GRIA4: variants seen among roughly 807,000 people sequenced by gnomAD.
GRIA4 encodes the protein glutamate receptor 4.
Under a neutral mutation model 104.0 loss-of-function variants are expected in GRIA4, and 34 were observed. That is an observed-to-expected ratio of 0.33 (90% CI 0.25 to 0.44). The LOEUF is 0.44. Ranked by LOEUF, GRIA4 falls within the 20% of genes least tolerant of loss-of-function variation. GRIA4 has a pLI of 1.00. For missense variants in GRIA4, 750 were observed against 1,096.5 expected (o/e 0.68, Z 4.46); for synonymous variants, 386 against 381.9 (o/e 1.01, Z -0.13).
intron 13 of GRIA4, among the ~76,000 whole-genome samples, chr11:105,931,106 G>C (rs1451067426): frequency 6.6e-6 from 1 of 152,084 alleles, no homozygotes; most frequent in South Asian, 2.1e-4. Context: ...TCTATTTTTA[G>C]AGATGGAATG....
chr11:105,770,298 A>G (rs566316985), intron 4 of GRIA4, among the ~76,000 whole-genome samples: 4 of 152,098 alleles, frequency 2.6e-5, no homozygotes, highest in Admixed American at 2.6e-4. Context: ...TTACAAGGGA[A>G]GAAAATTCAT....
At chr11:105,653,085 G>C (rs953457435) in intron 3 of GRIA4, among the ~76,000 whole-genome samples, 5 of 151,952 alleles carry the variant, frequency 3.3e-5, no homozygotes, top group Non-Finnish European at 7.4e-5. Context: ...CTAATTTTTT[G>C]TATTTTTAGT....
intron 3 of GRIA4, among the ~76,000 whole-genome samples, chr11:105,636,424 T>C (rs1404276967): frequency 6.6e-6 from 1 of 152,206 alleles, no homozygotes; most frequent in Non-Finnish European, 1.5e-5. Context: ...AGTGACTTTT[T>C]ATTCAAAGTC....
At chr11:105,845,964 C>G (rs895596931) in intron 4 of GRIA4, among the ~76,000 whole-genome samples, 9 of 152,248 alleles carry the variant, frequency 5.9e-5, no homozygotes, top group African/African-American at 1.9e-4. Context: ...GTGTGAAGCC[C>G]TTAACAGAGT....
chr11:105,924,600 G>A lies in GRIA4; in HGVS notation c.1678G>A (p.Val560Met), dbSNP rs778053723. 6.2e-7 allele frequency: 1 copy of A among 1,612,784 alleles called. No individual in the cohort carries two copies. The highest frequency in any genetic ancestry group is 1.1e-5 in the South Asian group (1 of 91,060). Residue 560 changes from valine (V) to methionine (M), a missense_variant, in exon 12 of 17, where the codon GTG becomes ATG. Physicochemically the swap from Val to Met is conservative, Grantham distance 21 (BLOSUM62 1). This residue lies in a region of GRIA4 where 272 missense variants were observed against 524.5 expected (regional missense o/e 0.52). Coordinates refer to ENST00000282499, the MANE Select transcript of GRIA4 (RefSeq NM_000829.4). ...CIVFAYIGVS[V>M]VLFLVSRFSP... Reference sequence around the variant, plus strand: ...AGTCTTTGCCTACATTGGTGTCAGCGTGGTCTTATTCCTAGTTAGTAGATT... The same window carrying A: ...AGTCTTTGCCTACATTGGTGTCAGCATGGTCTTATTCCTAGTTAGTAGATT...
intron 3 of GRIA4, among the ~76,000 whole-genome samples, chr11:105,708,262 C>T (rs886989131): frequency 1.3e-5 from 2 of 152,116 alleles, no homozygotes; most frequent in Non-Finnish European, 1.5e-5. Context: ...TTCATCCACT[C>T]ATCTCTTCAA....
chr11:105,657,039 GA>G (rs199531654), intron 3 of GRIA4, among the ~76,000 whole-genome samples: 18 of 102,684 alleles, frequency 1.8e-4, no homozygotes, highest in East Asian at 1.3e-3. Flanking sequence ...TATTGCTCCA[GA>G]AAAAAAAAGG....
At chr11:105,838,950 C>CT (rs1415119955) in intron 4 of GRIA4, among the ~76,000 whole-genome samples, 7 of 152,270 alleles carry the variant, frequency 4.6e-5, no homozygotes, top group Admixed American at 1.3e-4. Context: ...ACACAGCTTA[C>CT]TTTTTTGAGA....
rs543655698 is a variant in GRIA4 at position 105,891,394 on chromosome 11, A to C, written c.726+3822A>C. Among the ~76,000 whole-genome samples the C allele has an allele frequency of 6.6e-4, 100 of 152,224 alleles. 1 individual carries two copies. The Middle Eastern group carries it at 0.02, about 31-fold the overall frequency. ...ACCATCTTTCAGAGTAAGCATTGAA[A>C]ACCTAAGCACTGCTCTACTTAAATA... On this transcript the variant is annotated intron_variant, in intron 6 of 16. Transcript: ENST00000282499.
At chr11:105,712,738 G>A (rs1321096070) in intron 3 of GRIA4, among the ~76,000 whole-genome samples, 4 of 151,364 alleles carry the variant, frequency 2.6e-5, no homozygotes, top group Admixed American at 2.0e-4. Context: ...TATAGAGAAA[G>A]CTTTAAGTAA....
intron 14 of GRIA4, among the ~76,000 whole-genome samples, chr11:105,957,579 G>A (rs1445036315): frequency 6.6e-6 from 1 of 152,162 alleles, no homozygotes; most frequent in Non-Finnish European, 1.5e-5. Flanking sequence ...GCTTAGGATT[G>A]TCTTGGCAAT....
chr11:105,713,460 G>T (rs895049032), intron 3 of GRIA4, among the ~76,000 whole-genome samples: 43 of 152,114 alleles, frequency 2.8e-4, no homozygotes, highest in African/African-American at 9.9e-4. Flanking sequence ...TTTATAAAAT[G>T]AAATTACTTG....
chr11:105,725,770 C>T (rs1257828903), intron 3 of GRIA4, among the ~76,000 whole-genome samples: 1 of 152,104 alleles, frequency 6.6e-6, no homozygotes, highest in Non-Finnish European at 1.5e-5. Context: ...TGAGGCATCA[C>T]CTCACCCGGG....
chr11:105,860,667 A>G (rs1239913806), intron 4 of GRIA4, among the ~76,000 whole-genome samples: 1 of 152,130 alleles, frequency 6.6e-6, no homozygotes, highest in Non-Finnish European at 1.5e-5. Context: ...ACAATTCAAA[A>G]ATGAGAGATG....
At chr11:105,662,300 T>G (rs1952036912) in intron 3 of GRIA4, among the ~76,000 whole-genome samples, 1 of 151,850 alleles carries the variant, frequency 6.6e-6, no homozygotes, top group Admixed American at 6.6e-5. Flanking sequence ...TATCTCTAAC[T>G]GGCAAAACTG....
At chr11:105,660,848 G>T (rs1951986692) in intron 3 of GRIA4, among the ~76,000 whole-genome samples, 1 of 151,578 alleles carries the variant, frequency 6.6e-6, no homozygotes, top group Admixed American at 6.6e-5. Context: ...TGTTACTGAA[G>T]TGAGAGAGGT....
chr11:105,975,412 T>G (rs1032796108), intron 16 of GRIA4, among the ~76,000 whole-genome samples: 8 of 151,856 alleles, frequency 5.3e-5, no homozygotes, highest in South Asian at 4.2e-4. Flanking sequence ...CTTACTCACA[T>G]CCTCTCATCA....
chr11:105,839,949 A>G (rs1020787808), intron 4 of GRIA4, among the ~76,000 whole-genome samples: 2 of 152,120 alleles, frequency 1.3e-5, no homozygotes, highest in Non-Finnish European at 2.9e-5. Flanking sequence ...TTATAGGTAA[A>G]GGAAAAGTAG....
At chr11:105,947,208 T>C (rs1948337590) in intron 14 of GRIA4, among the ~76,000 whole-genome samples, 3 of 152,344 alleles carry the variant, frequency 2.0e-5, no homozygotes, top group South Asian at 4.1e-4. Flanking sequence ...GCATATTTTG[T>C]TGACTGATTG....
Sources: allele counts gnomAD v4.1 joint callset (sites outside exome capture counted in the v4.1 genomes callset), GRCh38; gene constraint gnomAD v4.1.1; regional missense constraint gnomAD v4.1.1; transcripts MANE v1.5; gene names NCBI Gene and HGNC (gene_info 2026-07-23, HGNC 2026-07-21).